ERCC4: variants seen among roughly 807,000 people sequenced by gnomAD.
ERCC4 encodes ERCC excision repair 4, endonuclease catalytic subunit.
A neutral mutation model predicts 76.9 loss-of-function variants in ERCC4; 65 were observed. The observed-to-expected ratio is 0.84, with a 90% CI of 0.69 to 1.04. ERCC4 has a LOEUF of 1.04. ERCC4 is among the 50% of genes least tolerant of loss of function. ERCC4 has a pLI of 0.00. For missense variants in ERCC4, 1,214 were observed against 1,128.2 expected (o/e 1.08, Z -1.09); for synonymous variants, 463 against 410.1 (o/e 1.13, Z -1.56).
chr16:13,943,095 T>TTGCATTTATAG (rs538012499), intron 9 of ERCC4, among the ~76,000 whole-genome samples: 237 of 152,310 alleles, frequency 1.6e-3, no homozygotes, highest in African/African-American at 5.1e-3. Flanking sequence ...AATAATATAT[T>TTGCATTTATAG]TGCATTTATA....
At position 13,921,982 on chromosome 16, in the gene ERCC4, A is replaced by C. The variant is rs2031984863; in HGVS notation, c.208-49A>C. On this transcript the variant is annotated intron_variant, in intron 1 of 10. Transcript: ENST00000311895. ...ATTTTAAATATCTGTGACCTATTAA[A>C]AACTGCCCTGTATTAAATAGCCTAC... 3.8e-6 allele frequency: 5 copies of C among 1,322,602 alleles called. No individual in the cohort carries two copies. In the East Asian group the frequency reaches 1.2e-4, roughly 31 times the overall value. The allele number at this position is 1,322,602 out of a possible 1,614,324, so 81.9% of individuals were successfully genotyped here. A position where few individuals can be genotyped will look rare whatever the true frequency, so the allele number is the denominator to read the frequency against.
intron 7 of ERCC4, chr16:13,934,932 G>C (rs2032253298): frequency 1.9e-6 from 1 of 521,710 alleles, no homozygotes; most frequent in Non-Finnish European, 3.4e-6. Context: ...TAAATAGTCT[G>C]GCTTCAACTT....
rs1434458086 is a variant in ERCC4, at chr16:13,949,328, T to TA, written c.*982dup. 4.3e-6 allele frequency: 1 copy of TA among 233,608 alleles called. No individual in the cohort carries two copies. The highest frequency in any genetic ancestry group is 8.4e-6 in the Non-Finnish European group (1 of 118,356). 14.5% of individuals were successfully genotyped at this position (233,608 alleles called of 1,614,324 possible). Reference sequence around the variant, plus strand: ...ACACCAGCATCATATCCTCTAGAAATACAACCTAATTGGCAGTGAGCCGAG... The same window carrying TA: ...ACACCAGCATCATATCCTCTAGAAATAACAACCTAATTGGCAGTGAGCCGAG... On this transcript the variant is annotated 3_prime_UTR_variant, in exon 11 of 11. Transcript: ENST00000311895.
chr16:13,944,927 C>A, intron 10 of ERCC4, 92 bp downstream of exon 10: 3 of 820,588 alleles, frequency 3.7e-6, no homozygotes, highest in Non-Finnish European at 6.2e-6. Flanking sequence ...TCTGTATTAA[C>A]AAACTCTTAA....
In ERCC4 at chr16:13,930,754, C is replaced by T; in HGVS notation, c.837C>T (p.Ala279=). The change falls in exon 5 of 11, where the codon GCC becomes GCT. Residue 279 remains alanine (A), a synonymous_variant. Transcript: ENST00000311895. ...YLDPLWHQLG[A]KTKSLVQDLK... ...ATCCTTTGTGGCACCAGCTTGGAGC[C>T]AAGACTAAATCCTTAGTTCAGGATT... 6.2e-7 allele frequency: 1 copy of T among 1,613,664 alleles called. No individual in the cohort carries two copies. Among genetic ancestry groups the T allele is most frequent in the African/African-American group, 1.3e-5 (1 of 75,002 alleles).
chr16:13,947,022 A>C (rs376263070), intron 10 of ERCC4, among the ~76,000 whole-genome samples: 8 of 152,296 alleles, frequency 5.3e-5, no homozygotes, highest in African/African-American at 1.9e-4. Flanking sequence ...TCGGCCTCCC[A>C]AAGTGCTGGG....
intron 1 of ERCC4, among the ~76,000 whole-genome samples, chr16:13,920,760 C>T (rs2031957907): frequency 1.3e-5 from 2 of 151,522 alleles, no homozygotes; most frequent in African/African-American, 4.9e-5. Context: ...AGTCTTTGAC[C>T]AGAGTTCAAG....
intron 4 of ERCC4, among the ~76,000 whole-genome samples, chr16:13,929,167 A>G (rs547585568): frequency 6.6e-6 from 1 of 152,322 alleles, no homozygotes; most frequent in East Asian, 1.9e-4. Flanking sequence ...AACATGTTTC[A>G]CACTGAATTT....
chr16:13,942,026 A>G (rs554266146), intron 9 of ERCC4, among the ~76,000 whole-genome samples: 59 of 152,342 alleles, frequency 3.9e-4, no homozygotes, highest in African/African-American at 1.4e-3. Flanking sequence ...CAAGACCACC[A>G]TGGGCAACAT....
At chr16:13,947,219 T>C (rs903064324) in intron 10 of ERCC4, among the ~76,000 whole-genome samples, 36 of 152,200 alleles carry the variant, frequency 2.4e-4, no homozygotes, top group African/African-American at 8.7e-4. Flanking sequence ...CTAGATTTGC[T>C]CAGTGAGCAT....
chr16:13,929,240 A>G (rs962667281), intron 4 of ERCC4, among the ~76,000 whole-genome samples: 7 of 152,236 alleles, frequency 4.6e-5, no homozygotes, highest in African/African-American at 9.6e-5. Flanking sequence ...TTTAGTAACC[A>G]TATCTAAATA....
intron 9 of ERCC4, among the ~76,000 whole-genome samples, chr16:13,941,263 G>A (rs1338691276): frequency 2.6e-5 from 4 of 152,094 alleles, no homozygotes; most frequent in African/African-American, 9.7e-5. Context: ...AATTTTTAAT[G>A]CTTTCAATGA....
chr16:13,944,319 G>T (rs2032473979), intron 9 of ERCC4, among the ~76,000 whole-genome samples: 1 of 151,812 alleles, frequency 6.6e-6, no homozygotes, highest in Admixed American at 6.6e-5. Flanking sequence ...CCCTATTTGT[G>T]ATTACCCTGA....
intron 9 of ERCC4, 39 bp downstream of exon 9, chr16:13,937,897 T>A (rs1157975742): frequency 7.9e-7 from 1 of 1,265,930 alleles, no homozygotes; most frequent in South Asian, 1.2e-5. Flanking sequence ...CCCAACTACA[T>A]TGGAAACCTC....
intron 10 of ERCC4, among the ~76,000 whole-genome samples, chr16:13,945,865 C>T (rs567565402): frequency 6.6e-6 from 1 of 152,204 alleles, no homozygotes; most frequent in Non-Finnish European, 1.5e-5. Context: ...ATCAGTTCTC[C>T]ACGCCTTCAT....
At chr16:13,926,131 T>A (rs2032067967) in intron 2 of ERCC4, among the ~76,000 whole-genome samples, 1 of 151,910 alleles carries the variant, frequency 6.6e-6, no homozygotes, top group African/African-American at 2.4e-5. Flanking sequence ...AAAAAAAAAA[T>A]TCATGACCTA....
At chr16:13,941,369 A>AG (rs2032410423) in intron 9 of ERCC4, among the ~76,000 whole-genome samples, 2 of 152,236 alleles carry the variant, frequency 1.3e-5, no homozygotes, top group Non-Finnish European at 1.5e-5. Flanking sequence ...TTACTTTCCC[A>AG]GGAAACTTGG....
intron 2 of ERCC4, among the ~76,000 whole-genome samples, chr16:13,924,285 A>G (rs1446471297): frequency 6.6e-6 from 1 of 152,072 alleles, no homozygotes; most frequent in Non-Finnish European, 1.5e-5. Flanking sequence ...GCTAACCAGA[A>G]CTCCTAACAC....
chr16:13,933,782 A>T (rs904876830), intron 6 of ERCC4: 1 of 161,016 alleles, frequency 6.2e-6, no homozygotes, highest in African/African-American at 2.4e-5. Flanking sequence ...TGCGTATAGG[A>T]ACAAAAAATT....
Sources: allele counts gnomAD v4.1 joint callset (sites outside exome capture counted in the v4.1 genomes callset), GRCh38; gene constraint gnomAD v4.1.1; transcripts MANE v1.5; gene names NCBI Gene and HGNC (gene_info 2026-07-23, HGNC 2026-07-21).